Variants in NAV2 observed in about 807,000 individuals in gnomAD.
NAV2 encodes the protein neuron navigator 2, also known as helicase, APC down-regulated 1.
NAV2 carries 54 observed loss-of-function variants against 223.2 expected under a neutral mutation model. The observed-to-expected ratio is 0.24, with a 90% CI of 0.19 to 0.30. The LOEUF (loss-of-function observed/expected upper bound fraction) is 0.30, where lower values mean the gene tolerates loss of function less well. Among genes scored for constraint, NAV2 ranks in the 10% least tolerant of loss-of-function variants. The pLI is 1.00. For synonymous variants in NAV2, 1,279 were observed against 1,239.3 expected, an observed-to-expected ratio of 1.03 and a Z score of -0.67; for missense variants, 2,806 against 3,147.5, an observed-to-expected ratio of 0.89 and a Z score of 2.60.
rs991152125 is a variant in NAV2 at position 20,045,179 on chromosome 11, C to T, written c.3411C>T (p.Ala1137=). The T allele has an allele frequency of 3.1e-6, 5 of 1,614,162 alleles. No individual in the cohort carries two copies. The highest frequency in any genetic ancestry group is 1.7e-5 in the Admixed American group (1 of 60,030). Residue 1137 remains alanine (A), a synonymous_variant, in exon 14 of 38, where the codon GCC becomes GCT. Coordinates refer to ENST00000349880, the MANE Select transcript of NAV2 (RefSeq NM_145117.5). The part of the protein sequence containing the change: ...GSAAGLAMIT[A]SGVTVTSRSA... ...CCGCCGGCCTGGCCATGATCACAGC[C>T]AGCGGGGTGACTGTCACCAGCAGGT... is the stretch of plus-strand genomic sequence containing the variant.
chr11:19,704,947 C>G (rs2049615888), intron 1 of NAV2, among the ~76,000 whole-genome samples: 1 of 146,166 alleles, frequency 6.8e-6, no homozygotes. Flanking sequence ...GGAGGCGGAG[C>G]TTGCTGTGAG....
At chr11:19,825,148 T>G (rs11607474) in intron 1 of NAV2, among the ~76,000 whole-genome samples, 34,149 of 151,430 alleles carry the variant, frequency 0.23, 4,314 homozygotes, top group East Asian at 0.33. Flanking sequence ...AAAAATTAGC[T>G]GGGCATGGTG....
At chr11:19,642,015 A>G (rs2047680259) in intron 1 of NAV2, among the ~76,000 whole-genome samples, 1 of 152,238 alleles carries the variant, frequency 6.6e-6, no homozygotes, top group Non-Finnish European at 1.5e-5. Flanking sequence ...ATTGGCATAT[A>G]GCAGGTACTG....
At chr11:19,853,424 A>G (rs2061250483) in intron 3 of NAV2, among the ~76,000 whole-genome samples, 1 of 152,246 alleles carries the variant, frequency 6.6e-6, no homozygotes. Flanking sequence ...CGTGGCCCAC[A>G]GGCCACCTGC....
At chr11:19,747,162 C>A (rs539737363) in intron 1 of NAV2, among the ~76,000 whole-genome samples, 19 of 149,368 alleles carry the variant, frequency 1.3e-4, no homozygotes, top group African/African-American at 4.7e-4. Context: ...TTTGTCCTTG[C>A]GATAGTTTGC....
At chr11:19,939,868 T>C in intron 8 of NAV2, 95 bp downstream of exon 8, 1 of 746,274 alleles carries the variant, frequency 1.3e-6, no homozygotes, top group Non-Finnish European at 2.2e-6. Flanking sequence ...GATTACGAGT[T>C]GCATTATGTT....
At chr11:19,966,270 CACA>C (rs2048762750) in intron 10 of NAV2, among the ~76,000 whole-genome samples, 2 of 152,154 alleles carry the variant, frequency 1.3e-5, no homozygotes, top group African/African-American at 2.4e-5. Flanking sequence ...GAATACAGTT[CACA>C]ACAATATATC....
intron 11 of NAV2, among the ~76,000 whole-genome samples, chr11:19,989,116 C>A (rs920739083): frequency 3.3e-5 from 5 of 152,170 alleles, no homozygotes; most frequent in African/African-American, 1.2e-4. Flanking sequence ...TAATCATCCC[C>A]AAAGATGGCC....
intron 1 of NAV2, among the ~76,000 whole-genome samples, chr11:19,815,977 GT>G (rs1451745348): frequency 1.3e-5 from 2 of 152,322 alleles, no homozygotes; most frequent in African/African-American, 2.4e-5. Flanking sequence ...TGTGCAAATT[GT>G]TCTTTTGTGC....
intron 10 of NAV2, among the ~76,000 whole-genome samples, chr11:19,969,647 A>C (rs1338237640): frequency 6.6e-6 from 1 of 152,170 alleles, no homozygotes; most frequent in African/African-American, 2.4e-5. Context: ...CACAGTAAGA[A>C]ATTAACAACA....
At chr11:20,007,415 G>T (rs1395154322) in intron 11 of NAV2, among the ~76,000 whole-genome samples, 6 of 152,250 alleles carry the variant, frequency 3.9e-5, no homozygotes, top group African/African-American at 1.4e-4. Flanking sequence ...TCCTGGAGGT[G>T]CAGGGCAAGT....
chr11:20,047,797 A>G (rs1345635901), intron 14 of NAV2, among the ~76,000 whole-genome samples: 1 of 152,232 alleles, frequency 6.6e-6, no homozygotes, highest in Non-Finnish European at 1.5e-5. Context: ...TTGAGCACCC[A>G]AGGCCACCTG....
chr11:19,349,845 G>T (rs994996491), upstream of NAV2, among the ~76,000 whole-genome samples: 1 of 152,042 alleles, frequency 6.6e-6, no homozygotes, highest in Non-Finnish European at 1.5e-5. Context: ...GACGTCAGCC[G>T]GGAGGTGACT....
chr11:19,597,968 T>C (rs931619624), intron 1 of NAV2, among the ~76,000 whole-genome samples: 3 of 152,188 alleles, frequency 2.0e-5, no homozygotes, highest in African/African-American at 7.2e-5. Context: ...GTCTGGGACA[T>C]AGCATTCTCT....
At chr11:19,579,052 G>A (rs1475256260) in intron 1 of NAV2, among the ~76,000 whole-genome samples, 5 of 152,066 alleles carry the variant, frequency 3.3e-5, no homozygotes, top group Non-Finnish European at 7.4e-5. Context: ...GCCAGAATTT[G>A]ACAAAAAAAG....
intron 12 of NAV2, among the ~76,000 whole-genome samples, chr11:20,039,353 A>G (rs972268135): frequency 6.6e-6 from 1 of 152,156 alleles, no homozygotes; most frequent in Non-Finnish European, 1.5e-5. Context: ...ATGCTTCCCT[A>G]GGTGCCTGAG....
At chr11:19,739,974 C>T (rs1286503105) in intron 1 of NAV2, among the ~76,000 whole-genome samples, 1 of 152,154 alleles carries the variant, frequency 6.6e-6, no homozygotes, top group African/African-American at 2.4e-5. Flanking sequence ...GTATTATCCT[C>T]TCCTTGGAGA....
intron 1 of NAV2, among the ~76,000 whole-genome samples, chr11:19,749,883 G>T (rs184091485): frequency 6.6e-6 from 1 of 152,372 alleles, no homozygotes; most frequent in African/African-American, 2.4e-5. Context: ...CCTGCCTCAC[G>T]TCTATGGCTT....
At chr11:19,633,586 AG>A (rs1298525901) in intron 1 of NAV2, among the ~76,000 whole-genome samples, 8 of 152,388 alleles carry the variant, frequency 5.2e-5, no homozygotes, top group African/African-American at 1.9e-4. Flanking sequence ...CCGGCAAATC[AG>A]GCCTGCCTGA....
Sources: allele counts gnomAD v4.1 joint callset (sites outside exome capture counted in the v4.1 genomes callset), GRCh38; gene constraint gnomAD v4.1.1; transcripts MANE v1.5; gene names NCBI Gene and HGNC (gene_info 2026-07-23, HGNC 2026-07-21).